Variants in RBPJ observed in about 807,000 individuals in gnomAD.
RBPJ encodes recombination signal binding protein for immunoglobulin kappa J region.
Under a neutral mutation model 67.8 loss-of-function variants are expected in RBPJ, and 9 were observed. The ratio of observed to expected loss-of-function variants is 0.13; its 90% CI spans 0.08 to 0.23. RBPJ has a LOEUF of 0.23. Among genes scored for constraint, RBPJ ranks in the 10% least tolerant of loss-of-function variants. RBPJ has a pLI of 1.00. For missense variants in RBPJ, 305 were observed against 595.6 expected, an observed-to-expected ratio of 0.51 and a Z score of 5.08; for synonymous variants, 198 against 203.3, an observed-to-expected ratio of 0.97 and a Z score of 0.22.
intron 1 of RBPJ, among the ~76,000 whole-genome samples, chr4:26,323,612 C>T (rs144629001): frequency 0.012 from 1,762 of 152,194 alleles, 26 homozygotes; most frequent in African/African-American, 0.039. Context: ...AGGAGACTTG[C>T]AATATTTTCA....
At chr4:26,189,438 A>C (rs547182890) in intron 1 of RBPJ, among the ~76,000 whole-genome samples, 1 of 152,306 alleles carries the variant, frequency 6.6e-6, no homozygotes, top group East Asian at 1.9e-4. Flanking sequence ...CAGGCAGATC[A>C]CTTGGGGTCA....
intron 1 of RBPJ, among the ~76,000 whole-genome samples, chr4:26,334,013 T>G (rs957809388): frequency 2.6e-5 from 4 of 152,078 alleles, no homozygotes; most frequent in Non-Finnish European, 5.9e-5. Flanking sequence ...CCTGGGATGT[T>G]GTTCTATCAG....
chr4:26,358,989 C>G (rs1050279640), intron 1 of RBPJ, among the ~76,000 whole-genome samples: 1 of 152,110 alleles, frequency 6.6e-6, no homozygotes, highest in Admixed American at 6.6e-5. Context: ...AGTAACTTGC[C>G]TGAAGTCTCA....
At chr4:26,186,426 TTGGTAG>T (rs1386540606) in intron 1 of RBPJ, among the ~76,000 whole-genome samples, 1 of 152,142 alleles carries the variant, frequency 6.6e-6, no homozygotes, top group Admixed American at 6.6e-5. Flanking sequence ...ACATGGGTAT[TTGGTAG>T]ATACACTTTG....
the RBPJ span, among the ~76,000 whole-genome samples, chr4:26,124,889 C>T: frequency 8.6e-5 from 13 of 152,018 alleles, no homozygotes; most frequent in South Asian, 2.1e-4. Flanking sequence ...CATCATTGAC[C>T]GAATGTCCTT....
the RBPJ span, among the ~76,000 whole-genome samples, chr4:26,131,178 T>C: frequency 6.6e-6 from 1 of 152,234 alleles, no homozygotes; most frequent in Admixed American, 6.5e-5. Context: ...TGTGATAATT[T>C]AGGTTGAGTG....
At chr4:26,285,638 G>A (rs1721438923) in intron 1 of RBPJ, among the ~76,000 whole-genome samples, 1 of 123,480 alleles carries the variant, frequency 8.1e-6, no homozygotes, top group Non-Finnish European at 1.6e-5. Flanking sequence ...AAACCCTTAT[G>A]TAAAAATGGC....
At chr4:26,244,159 A>ATATATATGTATACACATATATG (rs2109223070) in intron 1 of RBPJ, among the ~76,000 whole-genome samples, 1 of 111,072 alleles carries the variant, frequency 9.0e-6, no homozygotes, top group African/African-American at 3.8e-5. Flanking sequence ...ACATATATGT[A>ATATATATGTATACACATATATG]TATATATATG....
chr4:26,334,940 G>A (rs1724652388), intron 1 of RBPJ, among the ~76,000 whole-genome samples: 1 of 152,074 alleles, frequency 6.6e-6, no homozygotes, highest in African/African-American at 2.4e-5. Flanking sequence ...TTATGTCTGT[G>A]TCATTAGTGT....
intron 1 of RBPJ, among the ~76,000 whole-genome samples, chr4:26,167,749 C>T (rs1272737288): frequency 2.1e-5 from 3 of 144,706 alleles, no homozygotes; most frequent in Admixed American, 7.0e-5. Flanking sequence ...ACTTCCAACA[C>T]TATGTTGAAT....
intron 1 of RBPJ, among the ~76,000 whole-genome samples, chr4:26,314,603 C>A (rs573386108): frequency 6.6e-6 from 1 of 152,154 alleles, no homozygotes; most frequent in African/African-American, 2.4e-5. Flanking sequence ...ACCTCCCTTC[C>A]CCGCCTTGGT....
At chr4:26,316,695 G>GTATA (rs1164887602), upstream of RBPJ, among the ~76,000 whole-genome samples, 7 of 125,544 alleles carry the variant, frequency 5.6e-5, no homozygotes, top group African/African-American at 1.7e-4. Context: ...TACACATATT[G>GTATA]TGTATATATA....
intron 1 of RBPJ, among the ~76,000 whole-genome samples, chr4:26,245,027 C>T (rs1719880269): frequency 6.6e-6 from 1 of 150,942 alleles, no homozygotes; most frequent in Non-Finnish European, 1.5e-5. Context: ...ATTTACATAC[C>T]ATAAGAATCA....
intron 1 of RBPJ, among the ~76,000 whole-genome samples, chr4:26,236,868 C>T (rs1719469135): frequency 6.6e-6 from 1 of 152,134 alleles, no homozygotes; most frequent in Admixed American, 6.5e-5. Flanking sequence ...TACAATGGCC[C>T]TAAAGTGCTC....
At chr4:26,155,436 T>A in the RBPJ span, among the ~76,000 whole-genome samples, 1 of 106,432 alleles carries the variant, frequency 9.4e-6, no homozygotes, top group Non-Finnish European at 2.4e-5. Flanking sequence ...CTCTCTCTCT[T>A]TTTTTTTTTT....
At chr4:26,219,816 C>T (rs935161157) in intron 1 of RBPJ, among the ~76,000 whole-genome samples, 18 of 152,028 alleles carry the variant, frequency 1.2e-4, no homozygotes, top group African/African-American at 3.9e-4. Context: ...CACTCTGTCA[C>T]GCAGGCTGGA....
At chr4:26,400,697 A>G (rs1170844122) in intron 2 of RBPJ, among the ~76,000 whole-genome samples, 1 of 152,232 alleles carries the variant, frequency 6.6e-6, no homozygotes, top group African/African-American at 2.4e-5. Flanking sequence ...TTACAGGACA[A>G]CTATTGTTCA....
intron 7 of RBPJ, among the ~76,000 whole-genome samples, chr4:26,426,307 T>C (rs915387753): frequency 6.6e-6 from 1 of 152,208 alleles, no homozygotes; most frequent in African/African-American, 2.4e-5. Context: ...ACAAACCACT[T>C]AGAAGACAGA....
the RBPJ span, among the ~76,000 whole-genome samples, chr4:26,132,181 G>A: frequency 6.6e-6 from 1 of 151,646 alleles, no homozygotes; most frequent in Non-Finnish European, 1.5e-5. Context: ...CCCAGTCTAT[G>A]CTTAGACTGA....
Sources: allele counts gnomAD v4.1 joint callset (sites outside exome capture counted in the v4.1 genomes callset), GRCh38; gene constraint gnomAD v4.1.1; transcripts MANE v1.5; gene names NCBI Gene and HGNC (gene_info 2026-07-23, HGNC 2026-07-21).